ARHGAP42: variants seen among roughly 807,000 people sequenced by gnomAD.
The protein encoded by ARHGAP42 is rho GTPase-activating protein 42.
ARHGAP42 carries 63 observed loss-of-function variants against 125.0 expected under a neutral mutation model. That is an observed-to-expected ratio of 0.50 (90% CI 0.41 to 0.62). The LOEUF (loss-of-function observed/expected upper bound fraction) is 0.62, where lower values mean the gene tolerates loss of function less well. Ranked by LOEUF, ARHGAP42 falls within the 20% of genes least tolerant of loss-of-function variation. The probability of loss-of-function intolerance (pLI) is 0.00; values close to 1 mark genes in which losing one functional copy is unlikely to be tolerated. For synonymous variants in ARHGAP42, 339 were observed against 351.0 expected, an observed-to-expected ratio of 0.97 and a Z score of 0.38; for missense variants, 766 against 1,024.2, an observed-to-expected ratio of 0.75 and a Z score of 3.44.
Position 100,859,546 on chromosome 11 carries a change from T to A in ARHGAP42, c.313-8T>A, listed in dbSNP as rs1333740302. ...CAAGATTTAATATATGTGCATTTTT[T>A]ATTTCAGATCCAAAACGCTAACGAT... On this transcript the variant is annotated splice_region_variant and splice_polypyrimidine_tract_variant and intron_variant, in intron 3 of 23. Coordinates refer to ENST00000298815, the MANE Select transcript of ARHGAP42 (RefSeq NM_152432.4). The A allele has an allele frequency of 6.5e-7, 1 of 1,529,364 alleles. No homozygotes were observed. The highest frequency in any genetic ancestry group is 8.8e-7 in the Non-Finnish European group (1 of 1,139,810). 94.7% of individuals were successfully genotyped at this position (1,529,364 alleles called of 1,614,324 possible).
chr11:100,746,173 T>C (rs938230918), intron 1 of ARHGAP42, among the ~76,000 whole-genome samples: 5 of 144,408 alleles, frequency 3.5e-5, no homozygotes, highest in African/African-American at 1.2e-4. Context: ...GGCTGACTGA[T>C]TGATAAGCTC....
chr11:100,939,288 C>G (rs1867815435), intron 8 of ARHGAP42, among the ~76,000 whole-genome samples: 1 of 151,902 alleles, frequency 6.6e-6, no homozygotes, highest in African/African-American at 2.4e-5. Flanking sequence ...AAACCCATGT[C>G]ATAATGATAT....
intron 2 of ARHGAP42, among the ~76,000 whole-genome samples, chr11:100,770,801 A>G (rs1862956476): frequency 6.6e-6 from 1 of 151,998 alleles, no homozygotes; most frequent in Admixed American, 6.6e-5. Context: ...CTGGTCTCGA[A>G]CTCTTGACCT....
At chr11:100,969,280 A>T (rs1362122608) in intron 17 of ARHGAP42, among the ~76,000 whole-genome samples, 1 of 151,762 alleles carries the variant, frequency 6.6e-6, no homozygotes, top group Non-Finnish European at 1.5e-5. Flanking sequence ...ATGCTTTCAG[A>T]ATTTTCTTTT....
Position 100,976,053 on chromosome 11 carries a change from T to G in ARHGAP42, c.1856-4T>G. ...CTTTCATCTCTCTCCCTCCTACTCC[T>G]TAGGTGACTCCTATAGCAGCAGCCC... On this transcript the variant is annotated splice_region_variant and splice_polypyrimidine_tract_variant and intron_variant, in intron 19 of 23. Coordinates refer to ENST00000298815, the MANE Select transcript of ARHGAP42 (RefSeq NM_152432.4). 1 of 1,507,328 alleles carries G rather than the reference T, an allele frequency of 6.6e-7. No homozygotes were observed. The highest frequency in any genetic ancestry group is 8.9e-7 in the Non-Finnish European group (1 of 1,126,188). 93.4% of individuals were successfully genotyped at this position (1,507,328 alleles called of 1,614,324 possible). A position where few individuals can be genotyped will look rare whatever the true frequency, so the allele number is the denominator to read the frequency against.
intron 3 of ARHGAP42, among the ~76,000 whole-genome samples, chr11:100,843,994 A>G (rs565431522): frequency 6.6e-6 from 1 of 152,334 alleles, no homozygotes; most frequent in Non-Finnish European, 1.5e-5. Context: ...TAGCCAAAGC[A>G]AGACTAAGCA....
chr11:100,903,929 A>T (rs1466232490), intron 4 of ARHGAP42, among the ~76,000 whole-genome samples: 3 of 151,488 alleles, frequency 2.0e-5, no homozygotes, highest in African/African-American at 7.3e-5. Flanking sequence ...GTAGGCTGGG[A>T]GACTAGGCCT....
chr11:100,808,287 G>C (rs1177677356), intron 3 of ARHGAP42, among the ~76,000 whole-genome samples: 4 of 151,328 alleles, frequency 2.6e-5, no homozygotes, highest in African/African-American at 9.7e-5. Context: ...ATGCACTACA[G>C]AAGAAAATGC....
intron 22 of ARHGAP42, among the ~76,000 whole-genome samples, chr11:100,986,616 A>G (rs1858685040): frequency 1.3e-5 from 2 of 152,172 alleles, no homozygotes; most frequent in Non-Finnish European, 1.5e-5. Flanking sequence ...CCAGGAAGCC[A>G]TTTAGCCAAC....
At chr11:100,978,454 T>C (rs1250697374) in intron 21 of ARHGAP42, among the ~76,000 whole-genome samples, 2 of 152,204 alleles carry the variant, frequency 1.3e-5, no homozygotes, top group African/African-American at 4.8e-5. Flanking sequence ...TTGCCCTCCA[T>C]GATTTGAAAC....
intron 2 of ARHGAP42, among the ~76,000 whole-genome samples, chr11:100,779,650 A>G (rs1863251872): frequency 6.7e-6 from 1 of 150,308 alleles, no homozygotes; most frequent in Non-Finnish European, 1.5e-5. Flanking sequence ...ATGCTAATCT[A>G]AATTTTCAGA....
At chr11:100,893,967 C>A (rs1375782478) in intron 4 of ARHGAP42, among the ~76,000 whole-genome samples, 2 of 151,942 alleles carry the variant, frequency 1.3e-5, no homozygotes, top group African/African-American at 4.8e-5. Context: ...AATGAATCAC[C>A]CCATGCCTGA....
At chr11:100,726,059 G>T (rs1861855620) in intron 1 of ARHGAP42, among the ~76,000 whole-genome samples, 1 of 148,418 alleles carries the variant, frequency 6.7e-6, no homozygotes, top group African/African-American at 2.5e-5. Flanking sequence ...GATTGCACCT[G>T]GGAGAAAGAC....
At chr11:100,825,788 C>T (rs776286799) in intron 3 of ARHGAP42, among the ~76,000 whole-genome samples, 4 of 152,138 alleles carry the variant, frequency 2.6e-5, no homozygotes, top group Non-Finnish European at 5.9e-5. Context: ...TGGGCATGTA[C>T]CCACATTCAG....
intron 22 of ARHGAP42, among the ~76,000 whole-genome samples, chr11:100,981,645 A>G (rs972123476): frequency 6.6e-5 from 10 of 152,190 alleles, no homozygotes; most frequent in African/African-American, 2.4e-4. Context: ...CTAATCTATG[A>G]TGCACCAGAA....
intron 12 of ARHGAP42, among the ~76,000 whole-genome samples, chr11:100,957,847 G>T (rs1206982055): frequency 6.6e-6 from 1 of 152,040 alleles, no homozygotes; most frequent in Admixed American, 6.6e-5. Flanking sequence ...AGTATACTTT[G>T]AGGTACAGCC....
chr11:100,930,798 G>T (rs1375026189), intron 6 of ARHGAP42, among the ~76,000 whole-genome samples: 1 of 152,166 alleles, frequency 6.6e-6, no homozygotes, highest in African/African-American at 2.4e-5. Context: ...CCCACATGTG[G>T]TTCAGTGAAT....
intron 14 of ARHGAP42, 53 bp from the exon 15 acceptor site, chr11:100,961,631 A>C: frequency 6.8e-7 from 1 of 1,476,214 alleles, no homozygotes; most frequent in Non-Finnish European, 9.2e-7. Flanking sequence ...TCATAATTGC[A>C]TAAGAAATAT....
intron 4 of ARHGAP42, among the ~76,000 whole-genome samples, chr11:100,886,697 A>T (rs189103493): frequency 2.1e-4 from 32 of 152,318 alleles, no homozygotes; most frequent in African/African-American, 7.0e-4. Context: ...TTAAGAAATG[A>T]CTGTTCATCA....
Sources: allele counts gnomAD v4.1 joint callset (sites outside exome capture counted in the v4.1 genomes callset), GRCh38; gene constraint gnomAD v4.1.1; transcripts MANE v1.5; gene names NCBI Gene and HGNC (gene_info 2026-07-23, HGNC 2026-07-21).